The following ZNF407 variants were observed in gnomAD, a reference collection of about 807,000 sequenced individuals.
ZNF407 encodes zinc finger protein 407.
A neutral mutation model predicts 131.2 loss-of-function variants in ZNF407; 17 were observed. The ratio of observed to expected loss-of-function variants is 0.13; its 90% confidence interval spans 0.09 to 0.19. The LOEUF (loss-of-function observed/expected upper bound fraction) is 0.19, where lower values mean the gene tolerates loss of function less well. ZNF407 is among the 10% of genes least tolerant of loss of function. The probability of loss-of-function intolerance (pLI) is 1.00; values close to 1 mark genes in which losing one functional copy is unlikely to be tolerated. For synonymous variants in ZNF407, 1,156 were observed against 1,062.0 expected (o/e 1.09, Z -1.72); for missense variants, 2,681 against 2,830.6 (o/e 0.95, Z 1.20).
At chr18:75,060,268 C>T (rs1973610684) in intron 8 of ZNF407, 1 of 152,360 alleles carries the variant, frequency 6.6e-6, no homozygotes, top group African/African-American at 2.4e-5. Context: ...TTAAGCTAGA[C>T]TTACGAACAT....
intron 4 of ZNF407, among the ~76,000 whole-genome samples, chr18:74,866,477 A>G (rs1372179953): frequency 1.3e-5 from 2 of 152,198 alleles, no homozygotes; most frequent in African/African-American, 2.4e-5. Context: ...TCCTAACTGC[A>G]GCAAATCACA....
intron 7 of ZNF407, among the ~76,000 whole-genome samples, chr18:74,904,222 A>C (rs1167326556): frequency 6.6e-6 from 1 of 152,214 alleles, no homozygotes; most frequent in Non-Finnish European, 1.5e-5. Context: ...AAACTTACTA[A>C]GTTTTATTTT....
chr18:74,834,848 A>T (rs1225941480), intron 4 of ZNF407, among the ~76,000 whole-genome samples: 2 of 152,186 alleles, frequency 1.3e-5, no homozygotes, highest in African/African-American at 4.8e-5. Context: ...TGCCTTCCAG[A>T]GTTCATAGTT....
chr18:74,899,484 G>T lies in ZNF407; in HGVS notation c.5249+9446G>T, dbSNP rs1279197203. Among the ~76,000 whole-genome samples, 20 of 152,288 alleles carry T rather than the reference G, an allele frequency of 1.3e-4. No homozygotes were observed. In the East Asian group the frequency reaches 3.9e-3, roughly 30 times the overall value. On this transcript the variant is annotated intron_variant, in intron 7 of 8. Coordinates refer to ENST00000299687, the MANE Select transcript of ZNF407 (RefSeq NM_017757.3). Reference sequence around the variant, plus strand: ...GTCAGGGAGGTCCTCTCTCCTGGAGGAGGATGTCCTTTAGGAAAAGGATGG... The same window carrying T: ...GTCAGGGAGGTCCTCTCTCCTGGAGTAGGATGTCCTTTAGGAAAAGGATGG...
At chr18:74,644,771 A>G (rs1984889708) in intron 3 of ZNF407, among the ~76,000 whole-genome samples, 1 of 152,000 alleles carries the variant, frequency 6.6e-6, no homozygotes, top group African/African-American at 2.4e-5. Context: ...TTATTTGACT[A>G]GTAATGGTAG....
At chr18:74,836,716 T>C (rs1334366895) in intron 4 of ZNF407, among the ~76,000 whole-genome samples, 1 of 152,216 alleles carries the variant, frequency 6.6e-6, no homozygotes, top group African/African-American at 2.4e-5. Context: ...AAGGCCAGGC[T>C]GACTTCATCA....
intron 3 of ZNF407, among the ~76,000 whole-genome samples, chr18:74,719,707 T>G (rs1218726471): frequency 6.6e-6 from 1 of 152,230 alleles, no homozygotes; most frequent in Non-Finnish European, 1.5e-5. Flanking sequence ...TCAGCCCTAC[T>G]TTTTACTTCT....
At chr18:74,824,076 C>G (rs1044493328) in intron 4 of ZNF407, among the ~76,000 whole-genome samples, 3 of 152,196 alleles carry the variant, frequency 2.0e-5, no homozygotes, top group Non-Finnish European at 4.4e-5. Flanking sequence ...AACCACACAA[C>G]TACATGGAAA....
At chr18:74,797,621 T>C (rs1969944757) in intron 4 of ZNF407, among the ~76,000 whole-genome samples, 3 of 152,356 alleles carry the variant, frequency 2.0e-5, no homozygotes, top group South Asian at 4.1e-4. Context: ...GAAAGTTTTC[T>C]TTTCAGATTG....
intron 2 of ZNF407, among the ~76,000 whole-genome samples, chr18:74,636,699 G>T (rs545800551): frequency 6.6e-6 from 1 of 152,320 alleles, no homozygotes; most frequent in Non-Finnish European, 1.5e-5. Flanking sequence ...CTAGTTTAGG[G>T]TGATTAAAGA....
At chr18:74,873,142 A>G (rs1384424334) in intron 4 of ZNF407, among the ~76,000 whole-genome samples, 3 of 152,232 alleles carry the variant, frequency 2.0e-5, no homozygotes, top group African/African-American at 7.2e-5. Context: ...CAAAATATCT[A>G]TTAGGACAGT....
intron 4 of ZNF407, among the ~76,000 whole-genome samples, chr18:74,821,216 A>G (rs1289395222): frequency 2.0e-5 from 3 of 151,952 alleles, no homozygotes; most frequent in Non-Finnish European, 2.9e-5. Context: ...AGTATTTTGC[A>G]AAGTCTTAAT....
At chr18:74,798,209 A>AACACACACACACACACACACAC (rs35388545) in intron 4 of ZNF407, among the ~76,000 whole-genome samples, 1 of 147,836 alleles carries the variant, frequency 6.8e-6, no homozygotes, top group African/African-American at 2.5e-5. Context: ...CCTTTACACA[A>AACACACACACACACACACACAC]ACACACACAC....
chr18:74,785,312 T>C (rs949704814), intron 4 of ZNF407, among the ~76,000 whole-genome samples: 1 of 152,150 alleles, frequency 6.6e-6, no homozygotes, highest in African/African-American at 2.4e-5. Context: ...CTTCTTAGTA[T>C]TTTTGCTCAG....
At chr18:74,730,535 C>T (rs958512786) in intron 3 of ZNF407, among the ~76,000 whole-genome samples, 5 of 152,148 alleles carry the variant, frequency 3.3e-5, no homozygotes, top group Admixed American at 6.5e-5. Flanking sequence ...TCTTCATTCT[C>T]TTCATTTATG....
At chr18:74,902,618 ACTCTT>A (rs1167466519) in intron 7 of ZNF407, among the ~76,000 whole-genome samples, 2 of 151,904 alleles carry the variant, frequency 1.3e-5, no homozygotes, top group Non-Finnish European at 2.9e-5. Flanking sequence ...ATCGTCAGTG[ACTCTT>A]CTCTATTACT....
Position 74,980,464 on chromosome 18 carries a change from C to T in ZNF407, c.5428+59772C>T, listed in dbSNP as rs534600209. The stretch of plus-strand genomic sequence containing the variant: ...GGATACAGGCACCCACTACCACGCC[C>T]GGCTAATTTTTTTGTATTTTAATAG... On this transcript the variant is annotated intron_variant, in intron 8 of 8. Coordinates refer to ENST00000299687, the MANE Select transcript of ZNF407 (RefSeq NM_017757.3). 1.2e-4 allele frequency among the ~76,000 whole-genome samples: 18 copies of T among 152,066 alleles called. No homozygotes were observed. In the South Asian group the frequency reaches 3.1e-3, roughly 26 times the overall value.
chr18:74,946,844 A>G (rs1015849378), intron 8 of ZNF407, among the ~76,000 whole-genome samples: 1 of 152,076 alleles, frequency 6.6e-6, no homozygotes, highest in African/African-American at 2.4e-5. Context: ...ACAGCTGATC[A>G]TGCTGCTTTG....
At chr18:74,862,532 G>A (rs1970951875) in intron 4 of ZNF407, among the ~76,000 whole-genome samples, 1 of 152,052 alleles carries the variant, frequency 6.6e-6, no homozygotes, top group Non-Finnish European at 1.5e-5. Flanking sequence ...CTATCTTTTT[G>A]TTTTGTTTGC....
Sources: gnomAD v4.1 joint callset for allele counts (sites outside exome capture counted in the v4.1 genomes callset) on GRCh38, gnomAD v4.1.1 for gene constraint, MANE v1.5 for transcripts, NCBI Gene and HGNC (gene_info 2026-07-23, HGNC 2026-07-21) for gene names.